ZNF229: variants seen among roughly 807,000 people sequenced by gnomAD.
The protein encoded by ZNF229 is zinc finger protein 229.
In ZNF229, 10 loss-of-function variants were observed where a neutral mutation model predicts 11.8. The ratio of observed to expected loss-of-function variants is 0.85; its 90% CI spans 0.52 to 1.44. ZNF229 has a LOEUF of 1.44. Ranked by LOEUF, ZNF229 falls within the 40% of genes most tolerant of loss-of-function variation. The pLI, the probability that ZNF229 is intolerant of heterozygous loss-of-function variation, is 0.00. For missense variants in ZNF229, 1,045 were observed against 1,015.1 expected, an observed-to-expected ratio of 1.03 and a Z score of -0.40; for synonymous variants, 368 against 374.8, an observed-to-expected ratio of 0.98 and a Z score of 0.21.
chr19:44,428,434 G>A lies in ZNF229; in HGVS notation c.2347C>T (p.Leu783Phe), dbSNP rs200540195. The A allele has an allele frequency of 3.1e-4, 495 of 1,613,930 alleles. No homozygotes were observed. Among genetic ancestry groups the A allele is most frequent in the Non-Finnish European group, 4.1e-4 (483 of 1,180,034 alleles). ...CGKGFGRNSCLHVHQRVHTGE... is the reference protein window; with the variant it reads ...CGKGFGRNSCFHVHQRVHTGE... ...GTGTGGACTCTCTGATGAACATGAA[G>A]ACAGGAGTTGCGGCCAAAGCCCTTC... Residue 783 changes from leucine (L) to phenylalanine (F), a missense_variant, in exon 6 of 6, where the codon CTT becomes TTT. Coordinates refer to ENST00000614049, the MANE Select transcript of ZNF229 (RefSeq NM_014518.4).
At chr19:44,432,490 C>T (rs1971741737) in intron 4 of ZNF229, 124 bp from the exon 5 acceptor site, 2 of 1,350,586 alleles carry the variant, frequency 1.5e-6, no homozygotes. Context: ...ACATATACAC[C>T]ATGGAATACT....
chr19:44,428,618 G>C lies in ZNF229; in HGVS notation c.2163C>G (p.Phe721Leu). The C allele has an allele frequency of 6.2e-7, 1 of 1,613,908 alleles. No homozygotes were observed. Among genetic ancestry groups the C allele is most frequent in the African/African-American group, 1.3e-5 (1 of 74,900 alleles). ...PYTCCECGKG[F>L]RYGSGLLSHK... is the part of the protein sequence containing the mutation. ...GACTAAGGAGACCTGAGCCATATCTGAAACCCTTCCCACATTCACAACAAG... is the reference window on the plus strand; with the variant it reads ...GACTAAGGAGACCTGAGCCATATCTCAAACCCTTCCCACATTCACAACAAG... The change falls in exon 6 of 6, where the codon TTC becomes TTG. Residue 721 changes from phenylalanine (F) to leucine (L), a missense_variant. Phe to Leu is a conservative substitution (Grantham distance 22, BLOSUM62 0). Transcript: ENST00000614049.
In ZNF229 at chr19:44,429,374, T is replaced by C. The variant is rs747873338; in HGVS notation, c.1407A>G (p.Gly469=). The change falls in exon 6 of 6, where the codon GGA becomes GGG. Residue 469 remains glycine, a synonymous_variant. Transcript: ENST00000614049. ...KPYSCGECGK[G]FSCSSHLSSH... is the part of the protein sequence containing the mutation. ...TGCTGAGGTGGGAGCTGCAGCTGAA[T>C]CCCTTTCCACACTCGCCACAGCTGT... 2 of 1,614,056 alleles carry C rather than the reference T, an allele frequency of 1.2e-6. No individual in the cohort carries two copies. Among genetic ancestry groups the C allele is most frequent in the South Asian group, 2.2e-5 (2 of 91,082 alleles).
chr19:44,433,783 T>C (rs1410771449), intron 4 of ZNF229, among the ~76,000 whole-genome samples: 1 of 152,114 alleles, frequency 6.6e-6, no homozygotes, highest in Non-Finnish European at 1.5e-5. Flanking sequence ...TTGCTTGTTT[T>C]TGAGACAGAG....
chr19:44,432,432 G>A, intron 4 of ZNF229, 66 bp from the exon 5 acceptor site: 16 of 1,574,096 alleles, frequency 1.0e-5, no homozygotes, highest in African/African-American at 8.3e-5. Context: ...CACAGAGCAG[G>A]TTTATAGAAA....
intron 4 of ZNF229, among the ~76,000 whole-genome samples, chr19:44,432,787 A>C (rs1428107582): frequency 6.6e-6 from 1 of 151,992 alleles, no homozygotes; most frequent in Non-Finnish European, 1.5e-5. Context: ...ACATGTATAC[A>C]TATGTAACTA....
At chr19:44,435,714 G>A (rs142470681) in intron 4 of ZNF229, among the ~76,000 whole-genome samples, 1 of 152,140 alleles carries the variant, frequency 6.6e-6, no homozygotes, top group Non-Finnish European at 1.5e-5. Context: ...TGTTTACAGA[G>A]GCAAATGCTT....
chr19:44,444,946 A>G (rs1417810069), intron 2 of ZNF229, among the ~76,000 whole-genome samples: 1 of 152,178 alleles, frequency 6.6e-6, no homozygotes, highest in Admixed American at 6.5e-5. Context: ...CCCTTGGTGA[A>G]CATATCCAGC....
chr19:44,428,798 G>A lies in ZNF229; in HGVS notation c.1983C>T (p.Cys661=), dbSNP rs372853759. ...TTGATGTGCACCTAAAGCCCTTTCC[G>A]CACTCTTGGCATCTGTAAGGTTTCT... The part of the protein sequence containing the change: ...TGEKPYRCQE[C]GKGFRCTSSL... The change falls in exon 6 of 6, where the codon TGC becomes TGT. Residue 661 remains cysteine (C), a synonymous_variant. Coordinates refer to ENST00000614049, the MANE Select transcript of ZNF229 (RefSeq NM_014518.4). The A allele has an allele frequency of 1.7e-5, 28 of 1,612,856 alleles. 1 individual carries two copies. The African/African-American group carries it at 3.1e-4, about 18-fold the overall frequency.
chr19:44,430,745 C>T (rs1296120933), intron 5 of ZNF229, among the ~76,000 whole-genome samples: 1 of 152,084 alleles, frequency 6.6e-6, no homozygotes, highest in African/African-American at 2.4e-5. Context: ...CTATTAGTAC[C>T]AAACTATGTC....
At chr19:44,431,508 C>T (rs1971722569) in intron 5 of ZNF229, among the ~76,000 whole-genome samples, 1 of 152,120 alleles carries the variant, frequency 6.6e-6, no homozygotes, top group South Asian at 2.1e-4. Context: ...TACTGCCTGG[C>T]TGTTTCTATT....
upstream of ZNF229, chr19:44,448,516 A>G (rs1186216232): frequency 6.6e-6 from 1 of 152,086 alleles, no homozygotes; most frequent in Admixed American, 6.6e-5. Flanking sequence ...GAGGTGTGGG[A>G]CTACCTTTCC....
In ZNF229 at chr19:44,443,089, C is replaced by T. The variant is rs960197095; in HGVS notation, c.-177-65G>A. 1.9e-5 allele frequency: 11 copies of T among 585,510 alleles called. No homozygotes were observed. In the South Asian group the frequency reaches 2.2e-4, roughly 11 times the overall value. The allele number at this position is 585,510 out of a possible 1,614,324, so 36.3% of individuals were successfully genotyped here. A position where few individuals can be genotyped will look rare whatever the true frequency, so the allele number is the denominator to read the frequency against. On this transcript the variant is annotated intron_variant, in intron 2 of 5. Transcript: ENST00000614049. ...TGGGCCCCAAGGCTGTGGTTCACAT[C>T]CCCTGGATACTATTCATTCAGTAGT... is the stretch of plus-strand genomic sequence containing the variant.
chr19:44,426,719 G>A lies in ZNF229; in HGVS notation c.*1584C>T, dbSNP rs531378098. 38 of 152,226 alleles carry A rather than the reference G, an allele frequency of 2.5e-4. No homozygotes were observed. The highest frequency in any genetic ancestry group is 9.2e-4 in the African/African-American group (38 of 41,512). 9.4% of individuals were successfully genotyped at this position (152,226 alleles called of 1,614,324 possible). A position where few individuals can be genotyped will look rare whatever the true frequency, so the allele number is the denominator to read the frequency against. On this transcript the variant is annotated 3_prime_UTR_variant, in exon 6 of 6. Transcript: ENST00000614049. ...AATTTAAAAACTCCACCTTCTGCAT[G>A]CGTTTTTGCCCAAGTGGGCAACTAT... is the stretch of plus-strand genomic sequence containing the variant.
chr19:44,440,846 C>T (rs947452458), intron 4 of ZNF229, among the ~76,000 whole-genome samples: 3 of 151,972 alleles, frequency 2.0e-5, no homozygotes, highest in African/African-American at 7.3e-5. Flanking sequence ...CACTTCAACC[C>T]CCAAGTAGCT....
intron 4 of ZNF229, among the ~76,000 whole-genome samples, chr19:44,433,177 C>T (rs770376756): frequency 6.6e-6 from 1 of 152,096 alleles, no homozygotes; most frequent in East Asian, 1.9e-4. Context: ...CCTCACTCAA[C>T]CTCCCAAGTA....
At chr19:44,446,786 G>C (rs888696558) in intron 2 of ZNF229, among the ~76,000 whole-genome samples, 4 of 152,132 alleles carry the variant, frequency 2.6e-5, no homozygotes, top group Admixed American at 2.6e-4. Flanking sequence ...GTGACCTTTG[G>C]TTGCAAAAAG....
At position 44,430,423 on chromosome 19, in the gene ZNF229, G is replaced by T. The variant is rs745533723; in HGVS notation, c.358C>A (p.Gln120Lys). ...CCTTGCAGATTTACTCTACAGTCTTGGCTCCCAGGTAATTCACCTGCCACC... is the reference window on the plus strand; with the variant it reads ...CCTTGCAGATTTACTCTACAGTCTTTGCTCCCAGGTAATTCACCTGCCACC... ...EEVAGELPGSQDCRVNLQGKD... is the reference protein window; with the variant it reads ...EEVAGELPGSKDCRVNLQGKD... The change falls in exon 6 of 6, where the codon CAA becomes AAA. Residue 120 changes from glutamine to lysine, a missense_variant. Coordinates refer to ENST00000614049, the MANE Select transcript of ZNF229 (RefSeq NM_014518.4). 6.2e-7 allele frequency: 1 copy of T among 1,613,990 alleles called. No individual in the cohort carries two copies. Among genetic ancestry groups the T allele is most frequent in the African/African-American group, 1.3e-5 (1 of 74,846 alleles).
chr19:44,433,697 G>T (rs763928690), intron 4 of ZNF229, among the ~76,000 whole-genome samples: 2 of 152,104 alleles, frequency 1.3e-5, no homozygotes, highest in African/African-American at 2.4e-5. Flanking sequence ...TTAGCCTGCA[G>T]AACTGTGAGC....
Sources: allele counts gnomAD v4.1 joint callset (sites outside exome capture counted in the v4.1 genomes callset), GRCh38; gene constraint gnomAD v4.1.1; transcripts MANE v1.5; gene names NCBI Gene and HGNC (gene_info 2026-07-23, HGNC 2026-07-21).